SLC38A12: variants seen among roughly 807,000 people sequenced by gnomAD.
SLC38A12 encodes putative sodium-coupled neutral amino acid transporter 12.
At chr17:74,795,062 C>T in the SLC38A12 span, 5 of 1,614,140 alleles carry the variant, frequency 3.1e-6, no homozygotes, top group Non-Finnish European at 4.2e-6. Context: ...GTATGGAGAC[C>T]TCGCCATCTA....
the SLC38A12 span, chr17:74,836,784 G>A: frequency 6.7e-7 from 1 of 1,483,178 alleles, no homozygotes; most frequent in Non-Finnish European, 8.9e-7. This position sits in a 1 kb window ranked among gnomAD's most constrained non-coding sequence, Gnocchi z 4.2. Context: ...GGTCTTCATG[G>A]GGCAGGTGGG....
At chr17:74,776,779 C>T in the SLC38A12 span, among the ~76,000 whole-genome samples, 1 of 151,858 alleles carries the variant, frequency 6.6e-6, no homozygotes, top group East Asian at 1.9e-4. Flanking sequence ...GAGTGGAGGC[C>T]CCATTAAAAA....
the SLC38A12 span, chr17:74,838,192 TG>T: frequency 5.1e-6 from 5 of 985,662 alleles, no homozygotes; most frequent in Non-Finnish European, 6.0e-6. Context: ...CCGCTTTCTC[TG>T]TGCCGTCGCA....
At chr17:74,807,700 G>A in the SLC38A12 span, among the ~76,000 whole-genome samples, 6 of 152,218 alleles carry the variant, frequency 3.9e-5, no homozygotes, top group African/African-American at 7.2e-5. Flanking sequence ...CAGACAGCTC[G>A]TCACCCGTCT....
the SLC38A12 span, among the ~76,000 whole-genome samples, chr17:74,782,255 A>G: frequency 3.1e-3 from 474 of 152,150 alleles, 2 homozygotes; most frequent in African/African-American, 0.011. Context: ...TTTAGTAGAG[A>G]TGGAGTTTTA....
At chr17:74,794,592 A>G in the SLC38A12 span, among the ~76,000 whole-genome samples, 1 of 152,074 alleles carries the variant, frequency 6.6e-6, no homozygotes, top group Non-Finnish European at 1.5e-5. Context: ...TTTAGTAGCA[A>G]TCTCTTGTCT....
At chr17:74,804,255 A>C in the SLC38A12 span, among the ~76,000 whole-genome samples, 1 of 152,250 alleles carries the variant, frequency 6.6e-6, no homozygotes, top group East Asian at 1.9e-4. Flanking sequence ...TAATTAAATA[A>C]AGCACTCACT....
chr17:74,836,684 C>T, the SLC38A12 span: 3 of 1,593,314 alleles, frequency 1.9e-6, no homozygotes, highest in Non-Finnish European at 2.6e-6. This position sits in a 1 kb window ranked among gnomAD's most constrained non-coding sequence, Gnocchi z 4.2. Context: ...AGACCAAGCT[C>T]TGATGGCAGG....
chr17:74,785,687 TGA>T, the SLC38A12 span: 1 of 1,528,366 alleles, frequency 6.5e-7, no homozygotes, highest in Non-Finnish European at 8.8e-7. Flanking sequence ...ATGAGGGCAC[TGA>T]GGGGGTGGGA....
the SLC38A12 span, among the ~76,000 whole-genome samples, chr17:74,783,383 G>C: frequency 2.0e-5 from 3 of 152,200 alleles, no homozygotes; most frequent in African/African-American, 4.8e-5. Context: ...AAGAAGTTTT[G>C]TTGCCACAAG....
At chr17:74,801,717 G>A in the SLC38A12 span, among the ~76,000 whole-genome samples, 1 of 152,192 alleles carries the variant, frequency 6.6e-6, no homozygotes, top group East Asian at 1.9e-4. Flanking sequence ...AGGCTGAAAT[G>A]GTGACCTCAA....
chr17:74,814,550 T>G, the SLC38A12 span, among the ~76,000 whole-genome samples: 1 of 152,262 alleles, frequency 6.6e-6, no homozygotes, highest in Non-Finnish European at 1.5e-5. Flanking sequence ...ATTCCTCAGC[T>G]GCGTTGGGAA....
the SLC38A12 span, among the ~76,000 whole-genome samples, chr17:74,787,000 C>T: frequency 3.3e-5 from 5 of 152,238 alleles, no homozygotes; most frequent in East Asian, 3.9e-4. Context: ...TGGCCTTGCG[C>T]AACCATGAAA....
At chr17:74,838,351 C>T in the SLC38A12 span, 1 of 996,404 alleles carries the variant, frequency 1.0e-6, no homozygotes, top group Non-Finnish European at 1.2e-6. Context: ...AGGCCAAGAG[C>T]AAGGAAGACC....
the SLC38A12 span, among the ~76,000 whole-genome samples, chr17:74,828,841 C>G: frequency 1.3e-5 from 2 of 152,112 alleles, no homozygotes; most frequent in Non-Finnish European, 2.9e-5. Flanking sequence ...AGTCCTGGAC[C>G]AAGGTTGGTG....
At chr17:74,781,903 C>T in the SLC38A12 span, among the ~76,000 whole-genome samples, 1 of 152,198 alleles carries the variant, frequency 6.6e-6, no homozygotes, top group Non-Finnish European at 1.5e-5. Flanking sequence ...GAAAGCTCCT[C>T]GAGCCTACCT....
chr17:74,839,688 T>C, the SLC38A12 span: 1 of 154,272 alleles, frequency 6.5e-6, no homozygotes, highest in Middle Eastern at 3.4e-3. Flanking sequence ...CACTGGCCAG[T>C]TGTGGGGATT....
At chr17:74,821,572 G>A in the SLC38A12 span, among the ~76,000 whole-genome samples, 1 of 152,280 alleles carries the variant, frequency 6.6e-6, no homozygotes, top group African/African-American at 2.4e-5. Flanking sequence ...GAGTCAGCAG[G>A]GATCAGAAAC....
chr17:74,794,590 C>G, the SLC38A12 span, among the ~76,000 whole-genome samples: 73 of 152,290 alleles, frequency 4.8e-4, no homozygotes, highest in African/African-American at 1.7e-3. Context: ...TCTTTAGTAG[C>G]AATCTCTTGT....
Sources: gnomAD v4.1 joint callset for allele counts (sites outside exome capture counted in the v4.1 genomes callset) on GRCh38, gnomAD v4.1.1 for gene constraint, Gnocchi (gnomAD v3.1) non-coding constraint, MANE v1.5 for transcripts, NCBI Gene and HGNC (gene_info 2026-07-23, HGNC 2026-07-21) for gene names.